Variants in SAMD3 observed in about 807,000 individuals in gnomAD.
SAMD3 encodes the protein sterile alpha motif domain-containing protein 3.
Under a neutral mutation model 58.5 loss-of-function variants are expected in SAMD3, and 63 were observed. The ratio of observed to expected loss-of-function variants is 1.08; its 90% confidence interval spans 0.88 to 1.33. The LOEUF is 1.33. Ranked by LOEUF, SAMD3 falls within the 40% of genes most tolerant of loss-of-function variation. The probability of loss-of-function intolerance (pLI) is 0.00; values close to 1 mark genes in which losing one functional copy is unlikely to be tolerated. For missense variants in SAMD3, 604 were observed against 608.4 expected (o/e 0.99, Z 0.08); for synonymous variants, 220 against 210.3 (o/e 1.05, Z -0.40).
chr6:130,350,790 A>G (rs1216570755), intron 1 of SAMD3, among the ~76,000 whole-genome samples: 1 of 152,222 alleles, frequency 6.6e-6, no homozygotes, highest in African/African-American at 2.4e-5. Flanking sequence ...AAGTTTAGGC[A>G]AAGCTGGAGG....
intron 1 of SAMD3, among the ~76,000 whole-genome samples, chr6:130,357,249 C>T (rs1156858450): frequency 6.6e-6 from 1 of 151,482 alleles, no homozygotes; most frequent in Non-Finnish European, 1.5e-5. Context: ...CTCAGCCTCC[C>T]GAGTAGCTGG....
At chr6:130,357,262 C>G (rs1191814084) in intron 1 of SAMD3, among the ~76,000 whole-genome samples, 1 of 150,428 alleles carries the variant, frequency 6.6e-6, no homozygotes, top group Non-Finnish European at 1.5e-5. Context: ...GTAGCTGGGA[C>G]TACAGGTGCC....
At chr6:130,365,568 C>T, upstream of SAMD3, 1 of 985,354 alleles carries the variant, frequency 1.0e-6, no homozygotes, top group Non-Finnish European at 1.2e-6. Flanking sequence ...TACTGCGAGT[C>T]GGCTGGAGCT....
At chr6:130,172,254 G>T (rs1466522952) in intron 8 of SAMD3, among the ~76,000 whole-genome samples, 2 of 152,212 alleles carry the variant, frequency 1.3e-5, no homozygotes, top group Admixed American at 1.3e-4. Context: ...CTGTCATCAT[G>T]ATGCTAGCTG....
At chr6:130,287,943 C>CAAAA (rs3029967) in intron 2 of SAMD3, among the ~76,000 whole-genome samples, 2 of 107,066 alleles carry the variant, frequency 1.9e-5, no homozygotes, top group Non-Finnish European at 2.0e-5. Context: ...GACTCCGTCT[C>CAAAA]AAAAAAAAAA....
At chr6:130,211,276 A>ATTTTTTTTTTTT (rs762531402) in intron 4 of SAMD3, among the ~76,000 whole-genome samples, 1 of 93,840 alleles carries the variant, frequency 1.1e-5, no homozygotes, top group Non-Finnish European at 2.3e-5. Flanking sequence ...GCCAATCAGA[A>ATTTTTTTTTTTT]TTTTTTTTTT....
At chr6:130,298,121 G>A (rs1232163406) in intron 2 of SAMD3, among the ~76,000 whole-genome samples, 3 of 152,204 alleles carry the variant, frequency 2.0e-5, no homozygotes, top group South Asian at 4.2e-4. Flanking sequence ...AAATCTTAAA[G>A]GCAACTAGAG....
At chr6:130,344,505 C>A (rs1777380212) in intron 1 of SAMD3, among the ~76,000 whole-genome samples, 1 of 152,162 alleles carries the variant, frequency 6.6e-6, no homozygotes, top group Admixed American at 6.5e-5. Context: ...CCTCAGCCTC[C>A]TGAGCAGCTG....
At chr6:130,332,097 A>G (rs186730832) in intron 1 of SAMD3, among the ~76,000 whole-genome samples, 205 of 152,338 alleles carry the variant, frequency 1.3e-3, no homozygotes, top group African/African-American at 4.8e-3. Context: ...TTAGGATGGT[A>G]GTGATAGAAC....
Position 130,146,060 on chromosome 6 carries a change from A to G in SAMD3, c.1145T>C (p.Ile382Thr). ...ATGTTTCATTTTTTCTTGCAATACA[A>G]TATTGATTGGATTGTCCACCACTGA... The part of the protein sequence containing the change: ...SFSVVDNPIN[I>T]VLQEKMKHYT... The change falls in exon 10 of 12, where the codon ATT becomes ACT. Residue 382 changes from isoleucine to threonine, a missense_variant. By Grantham distance (89) the Ile-to-Thr change is moderately conservative. Coordinates refer to ENST00000439090, the MANE Select transcript of SAMD3 (RefSeq NM_001017373.4). The G allele has an allele frequency of 1.3e-6, 2 of 1,592,040 alleles. No individual in the cohort carries two copies. The highest frequency in any genetic ancestry group is 4.6e-5 in the East Asian group (2 of 43,790).
intron 2 of SAMD3, among the ~76,000 whole-genome samples, chr6:130,270,331 G>C (rs1226693084): frequency 1.3e-5 from 2 of 152,186 alleles, no homozygotes; most frequent in Non-Finnish European, 2.9e-5. Context: ...GGCCTCAAGA[G>C]ATTTGCCCAC....
chr6:130,334,245 G>T (rs1463513540), intron 1 of SAMD3, among the ~76,000 whole-genome samples: 1 of 152,172 alleles, frequency 6.6e-6, no homozygotes, highest in Non-Finnish European at 1.5e-5. Flanking sequence ...AAGAGAGGAG[G>T]AGGGAAACAC....
Position 130,214,367 on chromosome 6 carries a change from G to C in SAMD3, c.239C>G (p.Ala80Gly), listed in dbSNP as rs1258837974. ...LKSPENPKKA[A>G]LVMQTEAARD... ...AGCTGCTTCTGTTTGCATGACCAGG[G>C]CTGCCTTTTTGGGGTTTTCTGGGGA... Residue 80 changes from alanine to glycine, a missense_variant, in exon 4 of 12, where the codon GCC (alanine) becomes GGC (glycine). Transcript: ENST00000439090. 2 of 1,606,806 alleles carry C rather than the reference G, an allele frequency of 1.2e-6. No individual in the cohort carries two copies. Among genetic ancestry groups the C allele is most frequent in the South Asian group, 2.2e-5 (2 of 89,700 alleles).
rs752428359 is a variant in SAMD3, at chr6:130,175,895, T to C, written c.768A>G (p.Thr256=). ...KCKFGHRRGQ[T]RKSLADIRFD... ...ATCTTATATCAGCAAGAGATTTCCT[T>C]GTCTGGCCTCTTCGGTGTCCAAATT... The change falls in exon 8 of 12, where the codon ACA becomes ACG. Residue 256 remains threonine, a synonymous_variant. Transcript: ENST00000439090. 1 of 1,613,508 alleles carries C rather than the reference T, an allele frequency of 6.2e-7. No individual in the cohort carries two copies. The highest frequency in any genetic ancestry group is 8.5e-7 in the Non-Finnish European group (1 of 1,179,486).
intron 1 of SAMD3, among the ~76,000 whole-genome samples, chr6:130,318,567 T>G (rs1204388374): frequency 2.0e-5 from 3 of 151,582 alleles, no homozygotes; most frequent in Non-Finnish European, 4.4e-5. Context: ...TAGCTGGGAT[T>G]ACAGGCACAC....
rs988136168 is a variant in SAMD3, at chr6:130,340,495, C to T, written c.-304+24625G>A. 5.9e-5 allele frequency among the ~76,000 whole-genome samples: 9 copies of T among 152,182 alleles called. No individual in the cohort carries two copies. The South Asian group carries it at 8.3e-4, about 14-fold the overall frequency. On this transcript the variant is annotated intron_variant, in intron 1 of 13. Transcript: ENST00000368134. The stretch of plus-strand genomic sequence containing the variant: ...TCTCAATGTCAGCTGATTAGCAAAC[C>T]TAATTCCATCTACAGTTGTAATTCC...
chr6:130,354,543 G>C (rs567560996), intron 1 of SAMD3, among the ~76,000 whole-genome samples: 1 of 152,246 alleles, frequency 6.6e-6, no homozygotes, highest in Admixed American at 6.5e-5. Flanking sequence ...TGGGGCAGGA[G>C]GCCATCATCC....
intron 1 of SAMD3, among the ~76,000 whole-genome samples, chr6:130,322,483 T>C (rs1358589796): frequency 6.6e-6 from 1 of 152,098 alleles, no homozygotes; most frequent in African/African-American, 2.4e-5. Flanking sequence ...TCAAAGTACA[T>C]TGTAGTAGCC....
At chr6:130,209,743 A>G in intron 4 of SAMD3, 135 bp from the exon 5 acceptor site, 1 of 550,482 alleles carries the variant, frequency 1.8e-6, no homozygotes, top group Admixed American at 3.4e-5. Context: ...CGTTAGACTC[A>G]TGACTAAGAG....
Sources: allele counts gnomAD v4.1 joint callset (sites outside exome capture counted in the v4.1 genomes callset), GRCh38; gene constraint gnomAD v4.1.1; transcripts MANE v1.5; gene names NCBI Gene and HGNC (gene_info 2026-07-23, HGNC 2026-07-21).